Variants in LRRTM4 observed in about 807,000 individuals in gnomAD.
LRRTM4 encodes leucine-rich repeat transmembrane neuronal protein 4.
LRRTM4 carries 25 observed loss-of-function variants against 47.6 expected under a neutral mutation model. The observed-to-expected ratio is 0.53, with a 90% CI of 0.38 to 0.73. LRRTM4 has a LOEUF of 0.73. Among genes scored for constraint, LRRTM4 ranks in the 30% least tolerant of loss-of-function variants. LRRTM4 has a pLI of 0.00. For synonymous variants in LRRTM4, 311 were observed against 269.5 expected, an observed-to-expected ratio of 1.15 and a Z score of -1.51; for missense variants, 638 against 713.4, an observed-to-expected ratio of 0.89 and a Z score of 1.20.
intron 3 of LRRTM4, among the ~76,000 whole-genome samples, chr2:77,060,414 T>C (rs1170359957): frequency 1.3e-5 from 2 of 152,110 alleles, no homozygotes; most frequent in Non-Finnish European, 2.9e-5. Context: ...AAAAATAGAT[T>C]AGCACTTTTT....
chr2:77,236,671 G>C (rs535543431), intron 3 of LRRTM4, among the ~76,000 whole-genome samples: 2 of 152,086 alleles, frequency 1.3e-5, no homozygotes, highest in Non-Finnish European at 2.9e-5. Context: ...GTCATAGATG[G>C]CTCTTATTAT....
chr2:76,915,524 AATGTTCTTGGACCTACCCG>A (rs1201152452), intron 3 of LRRTM4, among the ~76,000 whole-genome samples: 13 of 152,354 alleles, frequency 8.5e-5, no homozygotes, highest in Admixed American at 7.2e-4. Flanking sequence ...GGTTAAATTG[AATGTTCTTGGACCTACCCG>A]ATGTTCTGGG....
chr2:77,041,197 C>T (rs1293972143), intron 3 of LRRTM4, among the ~76,000 whole-genome samples: 1 of 151,444 alleles, frequency 6.6e-6, no homozygotes, highest in Admixed American at 6.6e-5. Context: ...GCTTGCCTTG[C>T]TTCATTTAAT....
intron 3 of LRRTM4, among the ~76,000 whole-genome samples, chr2:76,918,409 T>C (rs1213589748): frequency 1.3e-5 from 2 of 152,214 alleles, no homozygotes; most frequent in Non-Finnish European, 2.9e-5. Context: ...TACAGCTGTG[T>C]ATCCACTTGG....
chr2:76,909,861 G>T (rs553557921), intron 3 of LRRTM4, among the ~76,000 whole-genome samples: 4 of 152,168 alleles, frequency 2.6e-5, no homozygotes, highest in African/African-American at 9.7e-5. Flanking sequence ...TGCTGGAGAG[G>T]ATGTGAAGAA....
intron 3 of LRRTM4, among the ~76,000 whole-genome samples, chr2:77,493,058 A>G (rs548358962): frequency 6.6e-6 from 1 of 152,242 alleles, no homozygotes; most frequent in South Asian, 2.1e-4. Context: ...ATCTAAGGCC[A>G]AAATAGAAAA....
At chr2:77,047,745 C>A (rs1252257345) in intron 3 of LRRTM4, among the ~76,000 whole-genome samples, 2 of 152,008 alleles carry the variant, frequency 1.3e-5, no homozygotes, top group Non-Finnish European at 2.9e-5. Flanking sequence ...TTCTGAGGGA[C>A]TGGGGATTAG....
At chr2:77,345,547 A>G (rs549379233) in intron 3 of LRRTM4, among the ~76,000 whole-genome samples, 4 of 152,176 alleles carry the variant, frequency 2.6e-5, no homozygotes, top group African/African-American at 9.6e-5. Flanking sequence ...GCATATTTAA[A>G]GATGTCTAAT....
At chr2:76,951,032 G>A (rs1429293821) in intron 3 of LRRTM4, among the ~76,000 whole-genome samples, 1 of 151,982 alleles carries the variant, frequency 6.6e-6, no homozygotes, top group Non-Finnish European at 1.5e-5. Flanking sequence ...ATCATAAGGA[G>A]GAAATAAATA....
intron 3 of LRRTM4, among the ~76,000 whole-genome samples, chr2:77,304,653 C>CA (rs2104173789): frequency 6.6e-6 from 1 of 152,160 alleles, no homozygotes; most frequent in South Asian, 2.1e-4. Flanking sequence ...ACTAATGCCC[C>CA]AATAGCTAAT....
intron 3 of LRRTM4, among the ~76,000 whole-genome samples, chr2:76,963,207 A>C (rs1294949782): frequency 6.6e-6 from 1 of 150,976 alleles, no homozygotes; most frequent in Non-Finnish European, 1.5e-5. Flanking sequence ...ATGATTACTA[A>C]AAAAGTAAAA....
intron 3 of LRRTM4, among the ~76,000 whole-genome samples, chr2:77,031,049 T>A (rs1678635405): frequency 6.6e-6 from 1 of 152,180 alleles, no homozygotes; most frequent in Non-Finnish European, 1.5e-5. Context: ...TATTTTCTTA[T>A]ATTTTAAATG....
chr2:77,094,778 A>T (rs568336247), intron 3 of LRRTM4, among the ~76,000 whole-genome samples: 1 of 152,334 alleles, frequency 6.6e-6, no homozygotes, highest in South Asian at 2.1e-4. Context: ...TACAAAAATC[A>T]ACTCAACATG....
chr2:77,216,898 C>A (rs562992444), intron 3 of LRRTM4, among the ~76,000 whole-genome samples: 219 of 151,980 alleles, frequency 1.4e-3, no homozygotes, highest in African/African-American at 5.1e-3. Flanking sequence ...CGGTGAAACC[C>A]CATCTCTTAC....
chr2:76,907,373 G>GC lies in LRRTM4; in HGVS notation c.1552-158458dup, dbSNP rs554115692. Among the ~76,000 whole-genome samples, 17 of 150,920 alleles carry GC rather than the reference G, an allele frequency of 1.1e-4. No individual in the cohort carries two copies. The East Asian group carries it at 2.2e-3, about 19-fold the overall frequency. On this transcript the variant is annotated intron_variant, in intron 3 of 3. Coordinates refer to ENST00000409884, the MANE Select transcript of LRRTM4 (RefSeq NM_001134745.3). ...TAAAGGGAAATTTATAGCACTAAAT[G>GC]CCCACAAGAAAAAGCAGGAAAGATC... is the stretch of plus-strand genomic sequence containing the variant.
intron 3 of LRRTM4, among the ~76,000 whole-genome samples, chr2:77,227,176 G>C (rs774870634): frequency 6.6e-6 from 1 of 151,922 alleles, no homozygotes; most frequent in African/African-American, 2.4e-5. Context: ...ATAAGTGTTA[G>C]CAGCAATCTC....
chr2:77,163,398 A>G (rs1672787407), intron 3 of LRRTM4, among the ~76,000 whole-genome samples: 1 of 152,190 alleles, frequency 6.6e-6, no homozygotes, highest in Non-Finnish European at 1.5e-5. Flanking sequence ...GTTGGAAAAC[A>G]CTCTGCAGGA....
At chr2:77,263,484 A>C (rs568220576) in intron 3 of LRRTM4, among the ~76,000 whole-genome samples, 1 of 151,984 alleles carries the variant, frequency 6.6e-6, no homozygotes, top group Non-Finnish European at 1.5e-5. Flanking sequence ...TGTGAATCTG[A>C]GTCTTTAAAC....
chr2:77,420,288 C>T (rs886997141), intron 3 of LRRTM4, among the ~76,000 whole-genome samples: 2 of 152,092 alleles, frequency 1.3e-5, no homozygotes, highest in Non-Finnish European at 2.9e-5. Context: ...ATAAAGCCAG[C>T]AAGACAGAAG....
Sources: allele counts gnomAD v4.1 joint callset (sites outside exome capture counted in the v4.1 genomes callset), GRCh38; gene constraint gnomAD v4.1.1; transcripts MANE v1.5; gene names NCBI Gene and HGNC (gene_info 2026-07-23, HGNC 2026-07-21).